FLI1: variants seen among roughly 807,000 people sequenced by gnomAD.
FLI1 encodes the protein Friend leukemia integration 1 transcription factor.
Under a neutral mutation model 53.1 loss-of-function variants are expected in FLI1, and 13 were observed. The observed-to-expected ratio is 0.24, with a 90% CI of 0.16 to 0.39. The LOEUF (loss-of-function observed/expected upper bound fraction) is 0.39. FLI1 is among the 10% of genes least tolerant of loss of function. The pLI, the probability that FLI1 is intolerant of heterozygous loss-of-function variation, is 1.00. For missense variants in FLI1, 424 were observed against 600.5 expected (o/e 0.71, Z 3.07); for synonymous variants, 244 against 236.7 (o/e 1.03, Z -0.28).
intron 5 of FLI1, among the ~76,000 whole-genome samples, chr11:128,789,695 T>C (rs1942207567): frequency 6.6e-6 from 1 of 152,120 alleles, no homozygotes; most frequent in Non-Finnish European, 1.5e-5. Flanking sequence ...GCCTTGTGTG[T>C]GTGTCTGTGC....
chr11:128,734,332 G>C (rs1428951111), intron 1 of FLI1, among the ~76,000 whole-genome samples: 2 of 152,198 alleles, frequency 1.3e-5, no homozygotes, highest in Non-Finnish European at 2.9e-5. Context: ...AAGCAGGATC[G>C]AGCTGAGTAC....
intron 4 of FLI1, among the ~76,000 whole-genome samples, chr11:128,774,066 T>A (rs1941658718): frequency 6.6e-6 from 1 of 152,164 alleles, no homozygotes; most frequent in Non-Finnish European, 1.5e-5. Flanking sequence ...TGGCTGGCTC[T>A]GGGTTGGTGA....
intron 1 of FLI1, among the ~76,000 whole-genome samples, chr11:128,757,001 G>A (rs1940890392): frequency 6.6e-6 from 1 of 151,958 alleles, no homozygotes; most frequent in Non-Finnish European, 1.5e-5. Context: ...TCCCACCTCA[G>A]CCTCCCAAGT....
intron 1 of FLI1, among the ~76,000 whole-genome samples, chr11:128,743,632 A>G (rs1407449303): frequency 3.9e-5 from 6 of 152,126 alleles, no homozygotes; most frequent in Admixed American, 3.9e-4. Context: ...AGACAGACAG[A>G]CAGGCATGGC....
At chr11:128,693,945 A>AGAGAGAGAGAGG (rs1223907108), upstream of FLI1, 128 of 20,478 alleles carry the variant, frequency 6.3e-3, no homozygotes, top group Non-Finnish European at 5.0e-3. Flanking sequence ...TCGAGGCGAG[A>AGAGAGAGAGAGG]GAGAGAGAGA....
rs1466783646 is a variant in FLI1, at chr11:128,805,435, A to C, written c.721+4A>C. The C allele has an allele frequency of 6.5e-7, 1 of 1,549,282 alleles. No homozygotes were observed. The highest frequency in any genetic ancestry group is 8.8e-7 in the Non-Finnish European group (1 of 1,135,920). On this transcript the variant is annotated splice_donor_region_variant and intron_variant, in intron 6 of 8. Coordinates refer to ENST00000527786, the MANE Select transcript of FLI1 (RefSeq NM_002017.5). The stretch of plus-strand genomic sequence containing the variant: ...ATGAATTCTGGCCTCAACAAAAGTA[A>C]GTAAATGTTTTATAGTTCTTTGGAG...
chr11:128,738,326 G>T (rs768329106), intron 1 of FLI1, among the ~76,000 whole-genome samples: 1 of 152,140 alleles, frequency 6.6e-6, no homozygotes, highest in Non-Finnish European at 1.5e-5. Context: ...CCATAGCTAA[G>T]AAATAAGATA....
intron 1 of FLI1, among the ~76,000 whole-genome samples, chr11:128,711,565 C>T (rs760208578): frequency 1.8e-4 from 27 of 152,176 alleles, no homozygotes; most frequent in Non-Finnish European, 3.7e-4. Context: ...GAATCATGAT[C>T]GAATGTTTAT....
In FLI1 at chr11:128,764,603, C is replaced by T. The variant is rs149874548; in HGVS notation, c.231-3515C>T. ...GCAGGCAAGCTGAATGGCAAAACCT[C>T]GTCCCGCACTCCCCCTCCCTCTTGT... On this transcript the variant is annotated intron_variant, in intron 2 of 8. Transcript: ENST00000527786. The T allele has an allele frequency of 5.1e-3, 7,738 of 1,506,640 alleles. 27 individuals carry two copies. Among genetic ancestry groups the T allele is most frequent in the Non-Finnish European group, 5.9e-3 (6,619 of 1,123,402 alleles). The allele number at this position is 1,506,640 out of a possible 1,614,324, so 93.3% of individuals were successfully genotyped here.
At chr11:128,794,664 A>G (rs1345882235) in intron 5 of FLI1, among the ~76,000 whole-genome samples, 1 of 152,252 alleles carries the variant, frequency 6.6e-6, no homozygotes, top group African/African-American at 2.4e-5. Flanking sequence ...CATATTTCTC[A>G]TGAAATATCC....
At chr11:128,698,651 T>C (rs1484147619) in intron 1 of FLI1, among the ~76,000 whole-genome samples, 3 of 152,148 alleles carry the variant, frequency 2.0e-5, no homozygotes, top group Non-Finnish European at 2.9e-5. Flanking sequence ...AAAATATCAT[T>C]TGCTTTTGTT....
chr11:128,685,854 C>T (rs1042398217), upstream of FLI1, among the ~76,000 whole-genome samples: 4 of 152,010 alleles, frequency 2.6e-5, no homozygotes, highest in African/African-American at 2.4e-5. Flanking sequence ...AGGAGAGATA[C>T]GGCCGCCAGA....
intron 1 of FLI1, among the ~76,000 whole-genome samples, chr11:128,716,549 G>C (rs963224311): frequency 1.3e-5 from 2 of 152,184 alleles, no homozygotes; most frequent in African/African-American, 4.8e-5. Flanking sequence ...TTTGATTTTT[G>C]ATAGTTTGGA....
At position 128,760,139 on chromosome 11, in the gene FLI1, C is replaced by T. The variant is rs147624026; in HGVS notation, c.230+1813C>T. Among the ~76,000 whole-genome samples the T allele has an allele frequency of 2.6e-5, 4 of 152,374 alleles. No homozygotes were observed. The East Asian group carries it at 5.8e-4, about 22-fold the overall frequency. On this transcript the variant is annotated intron_variant, in intron 2 of 8. Coordinates refer to ENST00000527786, the MANE Select transcript of FLI1 (RefSeq NM_002017.5). ...ATTCTGATGGTGCCGGAGCTCCTAA[C>T]AGTCGAAGGACATGGTGTGTTGAAC...
chr11:128,720,423 G>A (rs762536915), intron 1 of FLI1, among the ~76,000 whole-genome samples: 1 of 152,146 alleles, frequency 6.6e-6, no homozygotes, highest in Non-Finnish European at 1.5e-5. Context: ...CTAAAAAGGA[G>A]CCCACGTGAA....
chr11:128,767,758 G>A (rs73573743), intron 2 of FLI1, among the ~76,000 whole-genome samples: 2,743 of 152,246 alleles, frequency 0.018, 83 homozygotes, highest in African/African-American at 0.064. Flanking sequence ...GGGGACTGTG[G>A]GGAAGGCGTG....
chr11:128,771,999 T>A (rs1201629068), intron 3 of FLI1, among the ~76,000 whole-genome samples: 1 of 151,288 alleles, frequency 6.6e-6, no homozygotes, highest in African/African-American at 2.4e-5. Context: ...CTGGAACTCA[T>A]CACTTGTGCT....
At chr11:128,773,347 A>T (rs1565493189) in intron 4 of FLI1, among the ~76,000 whole-genome samples, 1 of 152,146 alleles carries the variant, frequency 6.6e-6, no homozygotes, top group Non-Finnish European at 1.5e-5. Flanking sequence ...ATTATTTAAA[A>T]TTCCTCCAGG....
intron 1 of FLI1, among the ~76,000 whole-genome samples, chr11:128,752,733 G>T (rs1214345459): frequency 1.3e-5 from 2 of 152,166 alleles, no homozygotes; most frequent in African/African-American, 4.8e-5. Flanking sequence ...TCATAGAATT[G>T]CCAGGAGGAT....
Sources: gnomAD v4.1 joint callset for allele counts (sites outside exome capture counted in the v4.1 genomes callset) on GRCh38, gnomAD v4.1.1 for gene constraint, MANE v1.5 for transcripts, NCBI Gene and HGNC (gene_info 2026-07-23, HGNC 2026-07-21) for gene names.